NTM: variants seen among roughly 807,000 people sequenced by gnomAD.
NTM encodes neurotrimin.
NTM carries 13 observed loss-of-function variants against 42.1 expected under a neutral mutation model. The ratio of observed to expected loss-of-function variants is 0.31; its 90% CI spans 0.20 to 0.49. The LOEUF is 0.49. Among genes scored for constraint, NTM ranks in the 20% least tolerant of loss-of-function variants. NTM has a pLI of 0.99. For missense variants in NTM, 373 were observed against 452.8 expected (o/e 0.82, Z 1.60); for synonymous variants, 187 against 179.2 (o/e 1.04, Z -0.35).
chr11:131,660,603 A>T (rs1410021680), intron 1 of NTM: 2 of 457,556 alleles, frequency 4.4e-6, no homozygotes, highest in Admixed American at 4.7e-5. Context: ...CCCACATCTG[A>T]GGGCTGGCCT....
intron 1 of NTM, among the ~76,000 whole-genome samples, chr11:131,809,874 A>G (rs1057140751): frequency 5.3e-5 from 8 of 152,196 alleles, no homozygotes; most frequent in African/African-American, 9.6e-5. Flanking sequence ...ATCACCTACG[A>G]GATTTGTTTC....
At chr11:132,307,202 A>G (rs1337574462) in intron 4 of NTM, among the ~76,000 whole-genome samples, 1 of 152,088 alleles carries the variant, frequency 6.6e-6, no homozygotes, top group Non-Finnish European at 1.5e-5. Context: ...TGTTTCTGCT[A>G]CCTTTGTGAT....
intron 1 of NTM, among the ~76,000 whole-genome samples, chr11:131,825,209 C>T (rs1230050325): frequency 1.3e-5 from 2 of 152,174 alleles, no homozygotes; most frequent in African/African-American, 4.8e-5. Context: ...TTGTATGCAT[C>T]TGTGCCCAAA....
At chr11:132,333,346 GTC>G (rs1007043717) in intron 8 of NTM, among the ~76,000 whole-genome samples, 50 of 152,100 alleles carry the variant, frequency 3.3e-4, no homozygotes, top group African/African-American at 1.2e-3. Context: ...GAGAAACATA[GTC>G]TCTCACCCTT....
At chr11:132,123,452 G>C (rs140248116) in intron 2 of NTM, among the ~76,000 whole-genome samples, 10 of 152,324 alleles carry the variant, frequency 6.6e-5, no homozygotes, top group South Asian at 2.1e-4. Context: ...ATTAATAACA[G>C]TGTCAGTTAT....
chr11:132,203,246 A>T lies in NTM; in HGVS notation c.401-8776A>T, dbSNP rs373861040. ...CAAAACAGCCCCCTACTGCACTAAA[A>T]ATCTCTATTTCTCTTCGTATTGGTC... On this transcript the variant is annotated intron_variant, in intron 3 of 8. Transcript: ENST00000683400. Among the ~76,000 whole-genome samples the T allele has an allele frequency of 4.3e-4, 65 of 152,224 alleles. 1 individual carries two copies. The highest frequency in any genetic ancestry group is 1.5e-3 in the African/African-American group (61 of 41,548).
chr11:131,911,685 G>C, intron 2 of NTM, 37 bp downstream of exon 2: 2 of 1,613,156 alleles, frequency 1.2e-6, no homozygotes, highest in Non-Finnish European at 1.7e-6. Flanking sequence ...CTGATGGTTT[G>C]TATGGGGTCG....
intron 1 of NTM, among the ~76,000 whole-genome samples, chr11:131,725,011 C>T (rs576069916): frequency 6.6e-6 from 1 of 152,148 alleles, no homozygotes; most frequent in African/African-American, 2.4e-5. Context: ...CCAGGGACAA[C>T]AAGTTCAGGC....
intron 1 of NTM, among the ~76,000 whole-genome samples, chr11:131,814,000 C>G (rs1456928617): frequency 6.6e-6 from 1 of 152,050 alleles, no homozygotes; most frequent in African/African-American, 2.4e-5. Flanking sequence ...CAAATGTTAG[C>G]CATGTATGAT....
At chr11:132,141,788 G>A (rs1024596807) in intron 2 of NTM, among the ~76,000 whole-genome samples, 1 of 152,226 alleles carries the variant, frequency 6.6e-6, no homozygotes, top group Non-Finnish European at 1.5e-5. Flanking sequence ...GCCTTTTCCA[G>A]GCTTTATTTC....
intron 1 of NTM, among the ~76,000 whole-genome samples, chr11:131,619,932 G>A (rs2062354159): frequency 6.6e-6 from 1 of 151,796 alleles, no homozygotes; most frequent in African/African-American, 2.4e-5. Flanking sequence ...AGCCTCCTGA[G>A]TAGCTGGGAT....
intron 1 of NTM, among the ~76,000 whole-genome samples, chr11:131,402,441 C>G (rs533010875): frequency 6.7e-6 from 1 of 149,592 alleles, no homozygotes; most frequent in East Asian, 2.0e-4. Flanking sequence ...TGCCCAGTGG[C>G]CAAATAGGGG....
chr11:131,696,688 A>G (rs2075485653), intron 1 of NTM, among the ~76,000 whole-genome samples: 2 of 152,218 alleles, frequency 1.3e-5, no homozygotes. Context: ...CATAAATAAT[A>G]GCAATTAGCT....
chr11:131,509,161 A>C (rs75366479), intron 1 of NTM, among the ~76,000 whole-genome samples: 4,620 of 152,280 alleles, frequency 0.03, 250 homozygotes, highest in African/African-American at 0.1. Context: ...GGAGGATGCC[A>C]GCTGATGCTC....
In NTM at chr11:132,300,818, G is replaced by A. The variant is rs377745204; in HGVS notation, c.527-6871G>A. 3.7e-4 allele frequency among the ~76,000 whole-genome samples: 57 copies of A among 152,260 alleles called. 1 individual carries two copies. The highest frequency in any genetic ancestry group is 1.2e-3 in the African/African-American group (49 of 41,556). On this transcript the variant is annotated intron_variant, in intron 4 of 8. Transcript: ENST00000683400. Reference sequence around the variant, plus strand: ...TGGTATTTCTTGGAGTCCCTGTTACGTGCTTAAATACAAGTCTTCTTGTGC... The same window carrying A: ...TGGTATTTCTTGGAGTCCCTGTTACATGCTTAAATACAAGTCTTCTTGTGC...
intron 1 of NTM, among the ~76,000 whole-genome samples, chr11:131,732,665 A>G (rs1008549412): frequency 6.6e-6 from 1 of 152,194 alleles, no homozygotes; most frequent in African/African-American, 2.4e-5. Context: ...TGTTACCTTT[A>G]TGTATTATGT....
At chr11:131,879,851 A>G (rs368291909) in intron 1 of NTM, among the ~76,000 whole-genome samples, 19 of 152,138 alleles carry the variant, frequency 1.2e-4, no homozygotes, top group African/African-American at 3.4e-4. Flanking sequence ...TTATGTTTCA[A>G]TGGTCTGTGG....
intron 7 of NTM, among the ~76,000 whole-genome samples, chr11:132,315,539 C>T (rs967318283): frequency 2.0e-5 from 3 of 152,198 alleles, no homozygotes; most frequent in African/African-American, 7.2e-5. Flanking sequence ...CCTGTCTCCC[C>T]AATCCCTCAT....
At chr11:131,878,205 G>T (rs1458633889) in intron 1 of NTM, 1 of 152,010 alleles carries the variant, frequency 6.6e-6, no homozygotes, top group African/African-American at 2.4e-5. Flanking sequence ...TCAAAGCGAG[G>T]CCAGCATGCT....
Sources: gnomAD v4.1 joint callset for allele counts (sites outside exome capture counted in the v4.1 genomes callset) on GRCh38, gnomAD v4.1.1 for gene constraint, MANE v1.5 for transcripts, NCBI Gene and HGNC (gene_info 2026-07-23, HGNC 2026-07-21) for gene names.